GRIK2: variants seen among roughly 807,000 people sequenced by gnomAD.
GRIK2 encodes the protein glutamate ionotropic receptor kainate type subunit 2.
Under a neutral mutation model 100.3 loss-of-function variants are expected in GRIK2, and 32 were observed. That is an observed-to-expected ratio of 0.32 (90% CI 0.24 to 0.43). The LOEUF is 0.43. Ranked by LOEUF, GRIK2 falls within the 20% of genes least tolerant of loss-of-function variation. The probability of loss-of-function intolerance (pLI) is 1.00; values close to 1 mark genes in which losing one functional copy is unlikely to be tolerated. For missense variants in GRIK2, 843 were observed against 1,114.9 expected (o/e 0.76, Z 3.47); for synonymous variants, 417 against 389.4 (o/e 1.07, Z -0.83).
chr6:101,655,273 T>G (rs1384897649), intron 4 of GRIK2, among the ~76,000 whole-genome samples: 1 of 152,174 alleles, frequency 6.6e-6, no homozygotes, highest in African/African-American at 2.4e-5. Context: ...GAATTTCTGG[T>G]GGAGTAAGAA....
At chr6:102,048,298 G>A (rs1481756841) in intron 15 of GRIK2, among the ~76,000 whole-genome samples, 1 of 151,706 alleles carries the variant, frequency 6.6e-6, no homozygotes, top group Non-Finnish European at 1.5e-5. Context: ...CATTGAGTTG[G>A]GCAATATTTT....
At chr6:101,493,920 T>C (rs1011848800) in intron 2 of GRIK2, among the ~76,000 whole-genome samples, 1 of 145,258 alleles carries the variant, frequency 6.9e-6, no homozygotes, top group African/African-American at 2.5e-5. Flanking sequence ...GGTTATTATA[T>C]ATATTTTATA....
At chr6:101,525,208 G>A (rs1775090159) in intron 2 of GRIK2, among the ~76,000 whole-genome samples, 1 of 152,212 alleles carries the variant, frequency 6.6e-6, no homozygotes, top group Non-Finnish European at 1.5e-5. Flanking sequence ...ACATTTAAAT[G>A]TTAGTCTAAG....
At chr6:101,941,431 A>G (rs1217649357) in intron 14 of GRIK2, among the ~76,000 whole-genome samples, 1 of 152,116 alleles carries the variant, frequency 6.6e-6, no homozygotes, top group Non-Finnish European at 1.5e-5. Flanking sequence ...TATATTTTTA[A>G]GATATTAAAC....
chr6:101,734,287 C>T (rs1185050887), intron 7 of GRIK2, among the ~76,000 whole-genome samples: 1 of 152,120 alleles, frequency 6.6e-6, no homozygotes, highest in African/African-American at 2.4e-5. Flanking sequence ...TGTTATAGTT[C>T]CAGTCTAAAA....
At chr6:102,000,276 CTTTTT>C (rs34370144) in intron 14 of GRIK2, among the ~76,000 whole-genome samples, 2 of 113,580 alleles carry the variant, frequency 1.8e-5, no homozygotes, top group African/African-American at 3.3e-5. Context: ...TTGTTGAAGG[CTTTTT>C]TTTTTTTTTT....
At chr6:101,770,045 A>G (rs1778300419) in intron 7 of GRIK2, among the ~76,000 whole-genome samples, 1 of 152,200 alleles carries the variant, frequency 6.6e-6, no homozygotes, top group South Asian at 2.1e-4. Flanking sequence ...GTTATCAGAC[A>G]TACAAGAATG....
chr6:101,707,092 T>C (rs1038712005), intron 7 of GRIK2, among the ~76,000 whole-genome samples: 8 of 151,890 alleles, frequency 5.3e-5, no homozygotes, highest in African/African-American at 7.2e-5. Context: ...GGCTGCATCA[T>C]AGGCTCTGAA....
At chr6:101,715,465 G>A (rs543753341) in intron 7 of GRIK2, among the ~76,000 whole-genome samples, 2 of 151,858 alleles carry the variant, frequency 1.3e-5, no homozygotes, top group South Asian at 4.1e-4. Flanking sequence ...TGTAGGGAAA[G>A]AAACTGGCTT....
chr6:101,816,799 C>T (rs1297536424), intron 9 of GRIK2, among the ~76,000 whole-genome samples: 1 of 152,108 alleles, frequency 6.6e-6, no homozygotes, highest in African/African-American at 2.4e-5. Context: ...ACCCAGGTCC[C>T]CAGCAGGCCC....
intron 7 of GRIK2, among the ~76,000 whole-genome samples, chr6:101,773,509 G>A (rs1161668066): frequency 1.4e-5 from 2 of 147,294 alleles, no homozygotes; most frequent in Non-Finnish European, 3.0e-5. Context: ...AAAAAAACTA[G>A]TGAAGAGATG....
intron 4 of GRIK2, among the ~76,000 whole-genome samples, chr6:101,664,790 C>A (rs1769889478): frequency 6.6e-6 from 1 of 152,046 alleles, no homozygotes; most frequent in East Asian, 1.9e-4. Context: ...ACTGGGGAGG[C>A]CTCACAATCA....
At chr6:101,841,477 C>T (rs1783497608) in intron 10 of GRIK2, among the ~76,000 whole-genome samples, 1 of 151,872 alleles carries the variant, frequency 6.6e-6, no homozygotes, top group Admixed American at 6.6e-5. Flanking sequence ...TACTCTCTTG[C>T]CTCAGCCTCC....
intron 2 of GRIK2, among the ~76,000 whole-genome samples, chr6:101,556,388 G>T (rs1776754034): frequency 8.3e-6 from 1 of 120,334 alleles, no homozygotes; most frequent in South Asian, 2.5e-4. Context: ...AGGCTGGAGT[G>T]CAGTGGCGCG....
At position 101,399,340 on chromosome 6, in the gene GRIK2, C is replaced by T. The variant is rs749604821; in HGVS notation, c.63C>T (p.Leu21=). ...PVFRRTVKLL[L]CLLWIGYSQG... is the part of the protein sequence containing the mutation. Reference sequence around the variant, plus strand: ...TCAGGCGCACCGTTAAACTCCTGCTCTGTTTACTGTGGATTGGATATTCTC... The same window carrying T: ...TCAGGCGCACCGTTAAACTCCTGCTTTGTTTACTGTGGATTGGATATTCTC... The change falls in exon 2 of 17, where the codon CTC becomes CTT. Residue 21 remains leucine (L), a synonymous_variant. Transcript: ENST00000369134. 1.3e-6 allele frequency: 2 copies of T among 1,595,568 alleles called. No homozygotes were observed. Among genetic ancestry groups the T allele is most frequent in the Admixed American group, 1.7e-5 (1 of 59,958 alleles).
rs548701880 is a variant in GRIK2 at position 101,794,290 on chromosome 6, C to T, written c.952-5358C>T. Among the ~76,000 whole-genome samples, 33 of 152,196 alleles carry T rather than the reference C, an allele frequency of 2.2e-4. No individual in the cohort carries two copies. The East Asian group carries it at 5.6e-3, about 26-fold the overall frequency. On this transcript the variant is annotated intron_variant, in intron 7 of 16. Coordinates refer to ENST00000369134, the MANE Select transcript of GRIK2 (RefSeq NM_021956.5). ...CTCAGATGGAAATGCAGAAATCACC[C>T]CTCTTCTGCGTCGCTCACGCTGGGA...
At position 101,581,235 on chromosome 6, in the gene GRIK2, C is replaced by T. The variant is rs9485514; in HGVS notation, c.116-40714C>T. Reference sequence around the variant, plus strand: ...ATATACATTCACACACACTCACACACATATATGTGTATATATACACATATA... The same window carrying T: ...ATATACATTCACACACACTCACACATATATATGTGTATATATACACATATA... On this transcript the variant is annotated intron_variant, in intron 2 of 16. Transcript: ENST00000369134. 2.3e-3 allele frequency among the ~76,000 whole-genome samples: 350 copies of T among 150,580 alleles called. 2 individuals are homozygous for T. The highest frequency in any genetic ancestry group is 7.6e-3 in the African/African-American group (309 of 40,886).
chr6:101,425,712 C>G (rs1298907161), intron 2 of GRIK2, among the ~76,000 whole-genome samples: 1 of 152,156 alleles, frequency 6.6e-6, no homozygotes, highest in Non-Finnish European at 1.5e-5. Flanking sequence ...TTTTTACTGG[C>G]TTTGTTTGCT....
intron 2 of GRIK2, among the ~76,000 whole-genome samples, chr6:101,441,976 A>G (rs2788273): frequency 0.52 from 76,801 of 147,388 alleles, 19,688 homozygotes; most frequent in South Asian, 0.54. Flanking sequence ...AAAAAAAAAA[A>G]GGGGTGAACA....
Sources: allele counts gnomAD v4.1 joint callset (sites outside exome capture counted in the v4.1 genomes callset), GRCh38; gene constraint gnomAD v4.1.1; transcripts MANE v1.5; gene names NCBI Gene and HGNC (gene_info 2026-07-23, HGNC 2026-07-21).